BBS9: variants seen among roughly 807,000 people sequenced by gnomAD.
The protein encoded by BBS9 is protein PTHB1.
BBS9 carries 89 observed loss-of-function variants against 117.7 expected under a neutral mutation model. That is an observed-to-expected ratio of 0.76 (90% CI 0.64 to 0.90). BBS9 has a LOEUF of 0.90. Ranked by LOEUF, BBS9 falls within the 40% of genes least tolerant of loss-of-function variation. The pLI, the probability that BBS9 is intolerant of heterozygous loss-of-function variation, is 0.00. For synonymous variants in BBS9, 379 were observed against 370.9 expected, an observed-to-expected ratio of 1.02 and a Z score of -0.25; for missense variants, 982 against 1,042.2, an observed-to-expected ratio of 0.94 and a Z score of 0.80.
intron 21 of BBS9, among the ~76,000 whole-genome samples, chr7:33,569,537 C>T (rs1857433715): frequency 6.6e-6 from 1 of 151,444 alleles, no homozygotes; most frequent in South Asian, 2.1e-4. Flanking sequence ...GGGCAGATCA[C>T]GAGGTCAGGA....
chr7:33,202,436 T>C (rs1562788842), intron 5 of BBS9, among the ~76,000 whole-genome samples: 1 of 152,180 alleles, frequency 6.6e-6, no homozygotes, highest in East Asian at 1.9e-4. Context: ...CCATTTACTA[T>C]TATACATGTG....
chr7:33,446,603 G>A lies in BBS9; in HGVS notation c.2115+58459G>A, dbSNP rs115934725. Among the ~76,000 whole-genome samples the A allele has an allele frequency of 3.3e-3, 495 of 152,214 alleles. 2 individuals carry two copies. The highest frequency in any genetic ancestry group is 0.011 in the African/African-American group (476 of 41,534). On this transcript the variant is annotated intron_variant, in intron 19 of 22. Coordinates refer to ENST00000242067, the MANE Select transcript of BBS9 (RefSeq NM_198428.3). ...ATTTAAAGTTGGAAGCTTGGTATTT[G>A]CCCCAGAAAAGGTAGAAAGTGATTA...
chr7:33,344,196 C>T (rs960007327), intron 11 of BBS9, among the ~76,000 whole-genome samples: 1 of 149,152 alleles, frequency 6.7e-6, no homozygotes, highest in Non-Finnish European at 1.5e-5. Flanking sequence ...ATTCTCCTGC[C>T]TCAGCCTCCC....
At chr7:33,201,611 C>T (rs1486238488) in intron 5 of BBS9, among the ~76,000 whole-genome samples, 1 of 152,196 alleles carries the variant, frequency 6.6e-6, no homozygotes, top group African/African-American at 2.4e-5. Flanking sequence ...TCATTTACCT[C>T]TTCTTGTTCA....
intron 21 of BBS9, among the ~76,000 whole-genome samples, chr7:33,574,907 T>C (rs1394373740): frequency 6.6e-6 from 1 of 152,114 alleles, no homozygotes; most frequent in Non-Finnish European, 1.5e-5. Context: ...ATTTAAAATA[T>C]GCATACTTTA....
At chr7:33,319,135 C>G (rs972160801) in intron 9 of BBS9, among the ~76,000 whole-genome samples, 1 of 151,300 alleles carries the variant, frequency 6.6e-6, no homozygotes, top group African/African-American at 2.4e-5. Flanking sequence ...TGCCCTCCAG[C>G]CTGGGTGACA....
At chr7:33,367,634 T>TTA (rs1822030790) in intron 16 of BBS9, 133 bp from the exon 17 acceptor site, 2 of 746,072 alleles carry the variant, frequency 2.7e-6, no homozygotes, top group South Asian at 2.9e-5. Flanking sequence ...GGTGAATATA[T>TTA]TATAGCTCAC....
At chr7:33,403,613 A>G (rs981964579) in intron 19 of BBS9, among the ~76,000 whole-genome samples, 27 of 151,294 alleles carry the variant, frequency 1.8e-4, no homozygotes, top group African/African-American at 4.4e-4. Flanking sequence ...ATGATTTCCA[A>G]TTTCATCCAT....
intron 19 of BBS9, among the ~76,000 whole-genome samples, chr7:33,479,336 T>C (rs1238847695): frequency 6.6e-6 from 1 of 152,192 alleles, no homozygotes; most frequent in African/African-American, 2.4e-5. Context: ...AATAAGAACA[T>C]ATGGTATTTA....
chr7:33,242,349 A>G (rs1459659024), intron 5 of BBS9, among the ~76,000 whole-genome samples: 1 of 152,058 alleles, frequency 6.6e-6, no homozygotes, highest in African/African-American at 2.4e-5. Context: ...GGGGAGATAA[A>G]GTCAATATGA....
chr7:33,480,383 G>A (rs972521161), intron 19 of BBS9, among the ~76,000 whole-genome samples: 2 of 152,100 alleles, frequency 1.3e-5, no homozygotes, highest in Admixed American at 6.5e-5. Flanking sequence ...CATTAAATGG[G>A]GGAGAAAGAC....
At chr7:33,200,832 A>T (rs571261583) in intron 5 of BBS9, among the ~76,000 whole-genome samples, 23 of 152,226 alleles carry the variant, frequency 1.5e-4, no homozygotes, top group African/African-American at 5.5e-4. Context: ...TTTTTATTTG[A>T]GGATGAATCA....
intron 19 of BBS9, among the ~76,000 whole-genome samples, chr7:33,498,158 G>C (rs943651949): frequency 3.9e-5 from 6 of 152,068 alleles, no homozygotes; most frequent in Non-Finnish European, 7.4e-5. Context: ...AGTTAGATGT[G>C]GTTGACTCCA....
intron 5 of BBS9, among the ~76,000 whole-genome samples, chr7:33,183,816 T>G: frequency 6.6e-6 from 1 of 152,018 alleles, no homozygotes; most frequent in East Asian, 1.9e-4. Context: ...CTCATTCAGT[T>G]TTTTTTTGTT....
intron 5 of BBS9, among the ~76,000 whole-genome samples, chr7:33,223,266 A>G (rs1184919072): frequency 1.3e-5 from 2 of 152,160 alleles, no homozygotes; most frequent in African/African-American, 4.8e-5. Context: ...AAGCTAATTA[A>G]CATATCTATC....
chr7:33,544,215 T>A (rs1852897040), intron 21 of BBS9, among the ~76,000 whole-genome samples: 1 of 152,222 alleles, frequency 6.6e-6, no homozygotes, highest in Non-Finnish European at 1.5e-5. Flanking sequence ...CAGGGATTTC[T>A]TCTTGGTTTG....
chr7:33,306,173 T>C (rs1807898112), intron 9 of BBS9, among the ~76,000 whole-genome samples: 1 of 152,144 alleles, frequency 6.6e-6, no homozygotes, highest in Non-Finnish European at 1.5e-5. Flanking sequence ...CAGGAGCATA[T>C]TGTTTAGTTT....
At chr7:33,447,656 T>C (rs1837193437) in intron 19 of BBS9, among the ~76,000 whole-genome samples, 1 of 152,246 alleles carries the variant, frequency 6.6e-6, no homozygotes, top group Admixed American at 6.5e-5. Context: ...ATTTATTTGA[T>C]GCCTGCGGAA....
intron 21 of BBS9, among the ~76,000 whole-genome samples, chr7:33,540,938 T>C (rs1197904651): frequency 6.6e-6 from 1 of 152,232 alleles, no homozygotes; most frequent in Non-Finnish European, 1.5e-5. Flanking sequence ...ACTTTGCTTA[T>C]AATCCATTTT....
Sources: gnomAD v4.1 joint callset for allele counts (sites outside exome capture counted in the v4.1 genomes callset) on GRCh38, gnomAD v4.1.1 for gene constraint, MANE v1.5 for transcripts, NCBI Gene and HGNC (gene_info 2026-07-23, HGNC 2026-07-21) for gene names.